CXCL8: variants seen among roughly 807,000 people sequenced by gnomAD.
CXCL8 encodes interleukin-8.
CXCL8 carries 12 observed loss-of-function variants against 10.9 expected under a neutral mutation model. The ratio of observed to expected loss-of-function variants is 1.10; its 90% CI spans 0.71 to 1.79. CXCL8 has a LOEUF of 1.79. Ranked by LOEUF, CXCL8 falls within the 40% of genes most tolerant of loss-of-function variation. The probability of loss-of-function intolerance (pLI) is 0.00; values close to 1 mark genes in which losing one functional copy is unlikely to be tolerated. For missense variants in CXCL8, 145 were observed against 113.4 expected, an observed-to-expected ratio of 1.28 and a Z score of -1.26; for synonymous variants, 41 against 39.6, an observed-to-expected ratio of 1.03 and a Z score of -0.13.
chr4:73,742,473 A>G lies in CXCL8; in HGVS notation c.*9A>G. 1 of 1,449,092 alleles carries G rather than the reference A, an allele frequency of 6.9e-7. No individual in the cohort carries two copies. Among genetic ancestry groups the G allele is most frequent in the Non-Finnish European group, 9.6e-7 (1 of 1,044,388 alleles). The allele number at this position is 1,449,092 out of a possible 1,614,324, so 89.8% of individuals were successfully genotyped here. ...GGGCTGAGAATTCATAAAAAAATTC[A>G]TTCTCTGTGGTATCCAAGAATCAGT... On this transcript the variant is annotated 3_prime_UTR_variant, in exon 4 of 4. Coordinates refer to ENST00000307407, the MANE Select transcript of CXCL8 (RefSeq NM_000584.4).
chr4:73,742,538 C>G lies in CXCL8; in HGVS notation c.*74C>G. ...AACTTCAAGCAAATCTACTTCAACACTTCATGTATTGTGTGGGTCTGTTGT... is the reference window on the plus strand; with the variant it reads ...AACTTCAAGCAAATCTACTTCAACAGTTCATGTATTGTGTGGGTCTGTTGT... On this transcript the variant is annotated 3_prime_UTR_variant, in exon 4 of 4. Coordinates refer to ENST00000307407, the MANE Select transcript of CXCL8 (RefSeq NM_000584.4). 1.1e-6 allele frequency: 1 copy of G among 877,218 alleles called. No homozygotes were observed. Among genetic ancestry groups the G allele is most frequent in the East Asian group, 2.6e-5 (1 of 38,928 alleles). 54.3% of individuals were successfully genotyped at this position (877,218 alleles called of 1,614,324 possible).
Position 73,742,558 on chromosome 4 carries a change from T to A in CXCL8, c.*94T>A. ...CAACACTTCATGTATTGTGTGGGTC[T>A]GTTGTAGGGTTGCCAGATGCAATAC... is the stretch of plus-strand genomic sequence containing the variant. On this transcript the variant is annotated 3_prime_UTR_variant, in exon 4 of 4. Transcript: ENST00000307407. 1.6e-6 allele frequency: 1 copy of A among 640,462 alleles called. No homozygotes were observed. The highest frequency in any genetic ancestry group is 2.6e-6 in the Non-Finnish European group (1 of 381,816). The allele number at this position is 640,462 out of a possible 1,614,324, so 39.7% of individuals were successfully genotyped here. A position where few individuals can be genotyped will look rare whatever the true frequency, so the allele number is the denominator to read the frequency against.
rs181810989 is a variant in CXCL8, at chr4:73,741,886, A to C, written c.201-63A>C. ...TGGACTTAGACTTTATGCCTGACTT[A>C]AGGAATCATGATTTGAATGCAAAAA... On this transcript the variant is annotated intron_variant, in intron 2 of 3. Transcript: ENST00000307407. 13 of 1,278,900 alleles carry C rather than the reference A, an allele frequency of 1.0e-5. No homozygotes were observed. The Admixed American group carries it at 2.1e-4, about 20-fold the overall frequency. 79.2% of individuals were successfully genotyped at this position (1,278,900 alleles called of 1,614,324 possible).
At position 73,740,732 on chromosome 4, in the gene CXCL8, T is replaced by G; in HGVS notation, c.64+10T>G. 6.2e-7 allele frequency: 1 copy of G among 1,611,376 alleles called. No individual in the cohort carries two copies. Among genetic ancestry groups the G allele is most frequent in the East Asian group, 2.2e-5 (1 of 44,662 alleles). On this transcript the variant is annotated intron_variant, in intron 1 of 3. Transcript: ENST00000307407. ...GCAGCTCTGTGTGAAGGTAAGCACATCTTTCTGACCTACAGCGTTTTCCTA... is the reference window on the plus strand; with the variant it reads ...GCAGCTCTGTGTGAAGGTAAGCACAGCTTTCTGACCTACAGCGTTTTCCTA...
intron 3 of CXCL8, 43 bp downstream of exon 3, chr4:73,742,075 A>G: frequency 1.7e-6 from 2 of 1,177,982 alleles, no homozygotes; most frequent in Non-Finnish European, 1.2e-6. Context: ...ATTTATCCTG[A>G]GACATATAAT....
chr4:73,742,220 G>T (rs1397181397), intron 3 of CXCL8, 188 bp downstream of exon 3: 5 of 578,442 alleles, frequency 8.6e-6, no homozygotes, highest in Non-Finnish European at 1.5e-5. Flanking sequence ...TACATAGTTT[G>T]CCCAGGAAAT....
chr4:73,741,552 G>A lies in CXCL8; in HGVS notation c.75G>A (p.Leu25=), dbSNP rs201644683. The A allele has an allele frequency of 1.9e-6, 3 of 1,612,938 alleles. No individual in the cohort carries two copies. The highest frequency in any genetic ancestry group is 2.5e-6 in the Non-Finnish European group (3 of 1,179,564). ...ISAALCEGAV[L]PRSAKELRCQ... Reference sequence around the variant, plus strand: ...TTTTTCCCCCAACAGGTGCAGTTTTGCCAAGGAGTGCTAAAGAACTTAGAT... The same window carrying A: ...TTTTTCCCCCAACAGGTGCAGTTTTACCAAGGAGTGCTAAAGAACTTAGAT... Residue 25 remains leucine, a synonymous_variant, in exon 2 of 4, where the codon TTG becomes TTA. Coordinates refer to ENST00000307407, the MANE Select transcript of CXCL8 (RefSeq NM_000584.4).
In CXCL8 at chr4:73,742,020, A is replaced by T; in HGVS notation, c.272A>T (p.Lys91Met). Residue 91 changes from lysine to methionine, a missense_variant, in exon 3 of 4, where the codon AAG (lysine) becomes ATG (methionine). Lys to Met is a moderately conservative substitution (Grantham distance 95). Coordinates refer to ENST00000307407, the MANE Select transcript of CXCL8 (RefSeq NM_000584.4). ...AACTGGGTGCAGAGGGTTGTGGAGAAGTTTTTGAAGAGGTAAGTTATATAT... is the reference window on the plus strand; with the variant it reads ...AACTGGGTGCAGAGGGTTGTGGAGATGTTTTTGAAGAGGTAAGTTATATAT... ...KENWVQRVVE[K>M]FLKRAENS The T allele has an allele frequency of 6.3e-7, 1 of 1,594,356 alleles. No homozygotes were observed. The highest frequency in any genetic ancestry group is 8.6e-7 in the Non-Finnish European group (1 of 1,165,022).
intron 1 of CXCL8, among the ~76,000 whole-genome samples, chr4:73,741,047 A>G (rs1729158599): frequency 6.6e-6 from 1 of 152,304 alleles, no homozygotes; most frequent in East Asian, 1.9e-4. Context: ...TGAGTTGAGC[A>G]AGGTAACTCA....
At chr4:73,741,732 A>C in intron 2 of CXCL8, 55 bp downstream of exon 2, 1 of 1,511,276 alleles carries the variant, frequency 6.6e-7, no homozygotes, top group Non-Finnish European at 9.1e-7. Context: ...AAAATTAAGG[A>C]AGGTGGAAAT....
At position 73,742,555 on chromosome 4, in the gene CXCL8, G is replaced by A; in HGVS notation, c.*91G>A. 1.4e-6 allele frequency: 1 copy of A among 727,476 alleles called. No homozygotes were observed. Among genetic ancestry groups the A allele is most frequent in the Non-Finnish European group, 2.3e-6 (1 of 436,470 alleles). 45.1% of individuals were successfully genotyped at this position (727,476 alleles called of 1,614,324 possible). A position where few individuals can be genotyped will look rare whatever the true frequency, so the allele number is the denominator to read the frequency against. On this transcript the variant is annotated 3_prime_UTR_variant, in exon 4 of 4. Transcript: ENST00000307407. ...CTTCAACACTTCATGTATTGTGTGG[G>A]TCTGTTGTAGGGTTGCCAGATGCAA...
intron 3 of CXCL8, 174 bp downstream of exon 3, chr4:73,742,206 A>G (rs1265336516): frequency 5.1e-6 from 3 of 587,008 alleles, no homozygotes; most frequent in Non-Finnish European, 6.0e-6. Context: ...GACCAGAAAG[A>G]CCATACATAG....
At position 73,740,606 on chromosome 4, in the gene CXCL8, G is replaced by T; in HGVS notation, c.-53G>T. ...AGACAGCAGAGCACACAAGCTTCTA[G>T]GACAAGAGCCAGGAAGAAACCACCG... On this transcript the variant is annotated 5_prime_UTR_variant, in exon 1 of 4. In the 5' UTR this introduces an upstream ATG that the reference lacks. Transcript: ENST00000307407. 6.5e-7 allele frequency: 1 copy of T among 1,541,834 alleles called. No individual in the cohort carries two copies. The highest frequency in any genetic ancestry group is 8.9e-7 in the Non-Finnish European group (1 of 1,118,046).
chr4:73,742,263 T>G, intron 3 of CXCL8, 186 bp from the exon 4 acceptor site: 1 of 577,708 alleles, frequency 1.7e-6, no homozygotes, highest in Non-Finnish European at 3.1e-6. Context: ...ATACTCTTAG[T>G]AAAGTTCTTT....
Position 73,742,085 on chromosome 4 carries a change from T to C in CXCL8, c.284+53T>C, listed in dbSNP as rs764075530. On this transcript the variant is annotated intron_variant, in intron 3 of 3. Coordinates refer to ENST00000307407, the MANE Select transcript of CXCL8 (RefSeq NM_000584.4). Reference sequence around the variant, plus strand: ...TTTTCATTTATCCTGAGACATATAATCCAAAGTCAGCCTATAAATTTCTTT... The same window carrying C: ...TTTTCATTTATCCTGAGACATATAACCCAAAGTCAGCCTATAAATTTCTTT... 10 of 1,071,698 alleles carry C rather than the reference T, an allele frequency of 9.3e-6. No homozygotes were observed. In the South Asian group the frequency reaches 1.2e-4, roughly 13 times the overall value. The allele number at this position is 1,071,698 out of a possible 1,614,324, so 66.4% of individuals were successfully genotyped here.
chr4:73,741,822 T>G, intron 2 of CXCL8, 127 bp from the exon 3 acceptor site: 1 of 1,052,348 alleles, frequency 9.5e-7, no homozygotes, highest in Non-Finnish European at 1.4e-6. Flanking sequence ...ACATGACATT[T>G]AAATATGGTA....
intron 2 of CXCL8, 111 bp from the exon 3 acceptor site, chr4:73,741,838 C>T: frequency 9.4e-7 from 1 of 1,067,354 alleles, no homozygotes; most frequent in South Asian, 1.3e-5. Flanking sequence ...TGGTAGCTTC[C>T]ACAACTACTA....
chr4:73,742,136 A>G (rs1729191392), intron 3 of CXCL8, 104 bp downstream of exon 3: 2 of 599,702 alleles, frequency 3.3e-6, no homozygotes, highest in Admixed American at 4.6e-5. Context: ...GTCATTAGGT[A>G]TCTGCCTTTT....
intron 2 of CXCL8, 59 bp downstream of exon 2, chr4:73,741,736 T>C (rs949676540): frequency 1.3e-6 from 2 of 1,494,620 alleles, no homozygotes; most frequent in African/African-American, 2.8e-5. Flanking sequence ...TTAAGGAAGG[T>C]GGAAATATTT....
Sources: allele counts gnomAD v4.1 joint callset (sites outside exome capture counted in the v4.1 genomes callset), GRCh38; gene constraint gnomAD v4.1.1; transcripts MANE v1.5; gene names NCBI Gene and HGNC (gene_info 2026-07-23, HGNC 2026-07-21).